The following DCAF6 variants were observed in gnomAD, a reference collection of about 807,000 sequenced individuals.
The protein encoded by DCAF6 is DDB1 and CUL4 associated factor 6.
In DCAF6, 54 loss-of-function variants were observed where a neutral mutation model predicts 125.1. The observed-to-expected ratio is 0.43, with a 90% CI of 0.35 to 0.54. The LOEUF (loss-of-function observed/expected upper bound fraction) is 0.54, where lower values mean the gene tolerates loss of function less well. Among genes scored for constraint, DCAF6 ranks in the 20% least tolerant of loss-of-function variants. DCAF6 has a pLI of 0.01. For missense variants in DCAF6, 934 were observed against 1,161.7 expected, an observed-to-expected ratio of 0.80 and a Z score of 2.85; for synonymous variants, 371 against 390.4, an observed-to-expected ratio of 0.95 and a Z score of 0.58.
intron 5 of DCAF6, among the ~76,000 whole-genome samples, chr1:167,988,265 A>G (rs138905267): frequency 0.015 from 2,296 of 152,132 alleles, 53 homozygotes; most frequent in African/African-American, 0.051. Context: ...GGCTCGAGTA[A>G]TCTTCCTGCC....
chr1:167,873,030 A>G, the DCAF6 span, among the ~76,000 whole-genome samples: 2 of 152,006 alleles, frequency 1.3e-5, no homozygotes, highest in African/African-American at 4.8e-5. Context: ...AGATCGCGCC[A>G]CTGCACTCCA....
At chr1:167,883,418 T>G in the DCAF6 span, 9 of 1,612,584 alleles carry the variant, frequency 5.6e-6, no homozygotes, top group Non-Finnish European at 6.8e-6. Flanking sequence ...TAGGTTCCCA[T>G]CCCATAGTTC....
At chr1:167,918,323 T>C in the DCAF6 span, 1 of 1,566,190 alleles carries the variant, frequency 6.4e-7, no homozygotes, top group African/African-American at 1.4e-5. Flanking sequence ...AGGAACTCTT[T>C]TATTTGTGTG....
the DCAF6 span, among the ~76,000 whole-genome samples, chr1:167,887,585 A>G: frequency 1.3e-5 from 2 of 152,128 alleles, no homozygotes; most frequent in Admixed American, 6.5e-5. Flanking sequence ...TAGGAGATAT[A>G]CCTAATGTAA....
At chr1:168,017,273 G>A (rs989431811) in intron 11 of DCAF6, among the ~76,000 whole-genome samples, 13 of 150,910 alleles carry the variant, frequency 8.6e-5, no homozygotes, top group African/African-American at 3.2e-4. Context: ...TGTTTTGAAG[G>A]TTAAAAAATC....
upstream of DCAF6, chr1:167,935,859 T>C (rs745857752): frequency 1.4e-5 from 21 of 1,541,166 alleles, no homozygotes; most frequent in Admixed American, 4.1e-4. Flanking sequence ...GAGGGATCGT[T>C]GGCAGCCGGG....
intron 16 of DCAF6, among the ~76,000 whole-genome samples, chr1:168,045,778 T>C (rs1202996744): frequency 6.6e-6 from 1 of 152,118 alleles, no homozygotes; most frequent in African/African-American, 2.4e-5. Context: ...ATTGCCAACA[T>C]GTTTTTATAG....
At chr1:168,048,956 TG>T (rs1405816148) in intron 16 of DCAF6, among the ~76,000 whole-genome samples, 2 of 152,216 alleles carry the variant, frequency 1.3e-5, no homozygotes, top group Non-Finnish European at 2.9e-5. Context: ...CTATAGTCTG[TG>T]GTAAAATGCC....
chr1:167,899,024 T>C, the DCAF6 span, among the ~76,000 whole-genome samples: 2 of 152,144 alleles, frequency 1.3e-5, no homozygotes, highest in African/African-American at 4.8e-5. Context: ...AACCTTTACC[T>C]TCAGTGATCC....
At chr1:168,067,074 C>A (rs1284879218) in intron 20 of DCAF6, among the ~76,000 whole-genome samples, 1 of 152,090 alleles carries the variant, frequency 6.6e-6, no homozygotes, top group African/African-American at 2.4e-5. Flanking sequence ...CTGGGCCTTT[C>A]CTCCCCAACT....
the DCAF6 span, among the ~76,000 whole-genome samples, chr1:167,900,814 G>A: frequency 6.6e-6 from 1 of 152,184 alleles, no homozygotes; most frequent in African/African-American, 2.4e-5. Flanking sequence ...TTACAGGTGT[G>A]AGCCACTGCA....
At position 167,985,323 on chromosome 1, in the gene DCAF6, C is replaced by CTT. The variant is rs565204640; in HGVS notation, c.439-2171_439-2170insTT. On this transcript the variant is annotated intron_variant, in intron 4 of 21. Coordinates refer to ENST00000367840, the MANE Select transcript of DCAF6 (RefSeq NM_001198956.2). ...GAAGTCTGAAATAAGGTGTACTGGG[C>CTT]TAAAATCGAAGTGTTGGCAAGTGTG... Among the ~76,000 whole-genome samples the CTT allele has an allele frequency of 3.9e-5, 6 of 152,076 alleles. No homozygotes were observed. The South Asian group carries it at 1.0e-3, about 26-fold the overall frequency.
the DCAF6 span, among the ~76,000 whole-genome samples, chr1:167,926,403 T>C: frequency 6.6e-6 from 1 of 152,220 alleles, no homozygotes; most frequent in Non-Finnish European, 1.5e-5. Flanking sequence ...CTCTACAAGA[T>C]AGAAAATAAT....
chr1:167,879,679 G>T, the DCAF6 span, among the ~76,000 whole-genome samples: 1 of 152,136 alleles, frequency 6.6e-6, no homozygotes, highest in Non-Finnish European at 1.5e-5. Context: ...ACCCTGATAG[G>T]ATGGAAAAGG....
At chr1:167,971,089 T>C (rs950098003) in intron 3 of DCAF6, among the ~76,000 whole-genome samples, 11 of 152,226 alleles carry the variant, frequency 7.2e-5, no homozygotes, top group African/African-American at 2.7e-4. Context: ...AAGTTTTCAT[T>C]ACTGTGTGCT....
At chr1:167,918,444 T>A in the DCAF6 span, 1 of 866,258 alleles carries the variant, frequency 1.2e-6, no homozygotes, top group South Asian at 1.7e-5. Flanking sequence ...ATACTCCATT[T>A]CTTCTTTCTT....
chr1:168,009,937 T>C (rs902743501), intron 10 of DCAF6, among the ~76,000 whole-genome samples: 1 of 150,238 alleles, frequency 6.7e-6, no homozygotes, highest in African/African-American at 2.5e-5. Flanking sequence ...ATATTCACCC[T>C]CTAAAGATAC....
At chr1:167,982,841 G>C (rs571228094) in intron 4 of DCAF6, among the ~76,000 whole-genome samples, 1 of 152,162 alleles carries the variant, frequency 6.6e-6, no homozygotes, top group South Asian at 2.1e-4. Context: ...TTTATATATG[G>C]TGAAATGTAG....
chr1:167,949,266 G>C (rs1673562114), intron 1 of DCAF6, among the ~76,000 whole-genome samples: 1 of 152,184 alleles, frequency 6.6e-6, no homozygotes. Context: ...ATTCTTCATA[G>C]CTCTTTGGAT....
Sources: allele counts gnomAD v4.1 joint callset (sites outside exome capture counted in the v4.1 genomes callset), GRCh38; gene constraint gnomAD v4.1.1; transcripts MANE v1.5; gene names NCBI Gene and HGNC (gene_info 2026-07-23, HGNC 2026-07-21).